Variants in C8orf58 observed in about 807,000 individuals in gnomAD.
C8orf58 encodes chromosome 8 open reading frame 58.
C8orf58 carries 31 observed loss-of-function variants against 36.8 expected under a neutral mutation model. The observed-to-expected ratio is 0.84, with a 90% confidence interval of 0.63 to 1.14. The LOEUF is 1.14. Ranked by LOEUF, C8orf58 falls within the 50% of genes most tolerant of loss-of-function variation. The probability of loss-of-function intolerance (pLI) is 0.00; values close to 1 mark genes in which losing one functional copy is unlikely to be tolerated. For synonymous variants in C8orf58, 230 were observed against 200.2 expected (o/e 1.15, Z -1.26); for missense variants, 538 against 480.8 (o/e 1.12, Z -1.11).
At chr8:22,602,463 C>A (rs1394948403) in intron 5 of C8orf58, 74 bp from the exon 6 acceptor site, 3 of 1,396,856 alleles carry the variant, frequency 2.1e-6, no homozygotes, top group Non-Finnish European at 3.0e-6. Context: ...GCTGTGGCGA[C>A]AGCTGTCTCT....
chr8:22,602,003 CT>C lies in C8orf58; in HGVS notation c.692del (p.Leu231TyrfsTer19), dbSNP rs1800878832. Reference sequence around the variant, plus strand: ...GGCGAGGAGGAGTCGACCCGAGCCCCTTTACCGTCCCCGTTACACACCCCAG... The same window carrying C: ...GGCGAGGAGGAGTCGACCCGAGCCCCTTACCGTCCCCGTTACACACCCCAG... The part of the protein sequence containing the change: ...DPGEEESTRA[P>X]LPSPLHTPGN... On this transcript the variant is annotated frameshift_variant, in exon 4 of 7. Coordinates refer to ENST00000289989, the MANE Select transcript of C8orf58 (RefSeq NM_001013842.3). LOFTEE classifies it high-confidence loss of function. 6.4e-7 allele frequency: 1 copy of C among 1,568,032 alleles called. No individual in the cohort carries two copies. The highest frequency in any genetic ancestry group is 8.7e-7 in the Non-Finnish European group (1 of 1,153,444).
chr8:22,601,915 T>G, intron 3 of C8orf58, 57 bp from the exon 4 acceptor site: 1 of 1,553,818 alleles, frequency 6.4e-7, no homozygotes, highest in Non-Finnish European at 8.7e-7. Context: ...ATGGCTGCCC[T>G]CAGAGCAGCT....
chr8:22,602,712 C>T, intron 6 of C8orf58, 69 bp downstream of exon 6: 1 of 1,039,866 alleles, frequency 9.6e-7, no homozygotes, highest in Non-Finnish European at 1.4e-6. Flanking sequence ...CTGAGATTGT[C>T]ATGCCAGTTG....
chr8:22,601,198 G>A lies in C8orf58; in HGVS notation c.357G>A (p.Glu119=). Residue 119 remains glutamate (E), a synonymous_variant, in exon 2 of 7, where the codon GAG becomes GAA. Coordinates refer to ENST00000289989, the MANE Select transcript of C8orf58 (RefSeq NM_001013842.3). Reference sequence around the variant, plus strand: ...GCCAGAAGCTGGGGGAGGTGTTGGAGCGGTCCCGCCGGCTCCCAACAGCTC... The same window carrying A: ...GCCAGAAGCTGGGGGAGGTGTTGGAACGGTCCCGCCGGCTCCCAACAGCTC... ...LASQKLGEVL[E]RSRRLPTAPT... The A allele has an allele frequency of 6.2e-7, 1 of 1,608,990 alleles. No individual in the cohort carries two copies. Among genetic ancestry groups the A allele is most frequent in the Non-Finnish European group, 8.5e-7 (1 of 1,178,468 alleles).
Position 22,603,338 on chromosome 8 carries a change from G to T in C8orf58, c.*32G>T. 6.8e-7 allele frequency: 1 copy of T among 1,472,740 alleles called. No homozygotes were observed. The highest frequency in any genetic ancestry group is 9.5e-7 in the Non-Finnish European group (1 of 1,051,478). The allele number at this position is 1,472,740 out of a possible 1,614,324, so 91.2% of individuals were successfully genotyped here. A position where few individuals can be genotyped will look rare whatever the true frequency, so the allele number is the denominator to read the frequency against. On this transcript the variant is annotated 3_prime_UTR_variant, in exon 7 of 7. Coordinates refer to ENST00000289989, the MANE Select transcript of C8orf58 (RefSeq NM_001013842.3). Reference sequence around the variant, plus strand: ...TCGGTGCACCTGGTGACCCTGGGTGGAGGGGACTTGCTGTGAAGTCTTCCT... The same window carrying T: ...TCGGTGCACCTGGTGACCCTGGGTGTAGGGGACTTGCTGTGAAGTCTTCCT...
chr8:22,601,263 C>T lies in C8orf58; in HGVS notation c.422C>T (p.Ala141Val), dbSNP rs1024349178. The change falls in exon 2 of 7, where the codon GCA (alanine) becomes GTA (valine). Residue 141 changes from alanine (A) to valine (V), a missense_variant. By Grantham distance (64) the Ala-to-Val change is moderately conservative (BLOSUM62 0). Coordinates refer to ENST00000289989, the MANE Select transcript of C8orf58 (RefSeq NM_001013842.3). ...GGACAACACCGCTCCCTGCGGCTGG[C>T]AAGCAAGCCTGAGCGTGAAGTGCCC... The part of the protein sequence containing the change: ...LSGQHRSLRL[A>V]SKPEREVPLG... 1.2e-6 allele frequency: 2 copies of T among 1,609,758 alleles called. No homozygotes were observed. The highest frequency in any genetic ancestry group is 1.7e-5 in the Admixed American group (1 of 59,808).
chr8:22,603,032 T>C (rs1018602487), intron 6 of C8orf58, 163 bp from the exon 7 acceptor site: 2 of 618,914 alleles, frequency 3.2e-6, no homozygotes, highest in Non-Finnish European at 5.7e-6. Context: ...GGGGCTTGTA[T>C]TGAATCGTTC....
Position 22,601,110 on chromosome 8 carries a change from C to T in C8orf58, c.269C>T (p.Ser90Phe), listed in dbSNP as rs199978994. ...GCCTTACCGGGCCTTTCTCAGGACT[C>T]CCTGGACTTTGAATCCTCAGGGAGT... Reference protein sequence around the residue: ...LAALPGLSQDSLDFESSGSSE... With the variant: ...LAALPGLSQDFLDFESSGSSE... The change falls in exon 2 of 7, where the codon TCC becomes TTC. Residue 90 changes from serine to phenylalanine, a missense_variant. Physicochemically the swap from Ser to Phe is radical, Grantham distance 155. Transcript: ENST00000289989. The T allele has an allele frequency of 2.9e-5, 47 of 1,612,184 alleles. No homozygotes were observed. The highest frequency in any genetic ancestry group is 3.6e-5 in the Non-Finnish European group (43 of 1,179,912).
rs1800845082 is a variant in C8orf58, at chr8:22,601,213, C to A, written c.372C>A (p.Leu124=). 6.2e-7 allele frequency: 1 copy of A among 1,609,478 alleles called. No individual in the cohort carries two copies. Among genetic ancestry groups the A allele is most frequent in the Admixed American group, 1.7e-5 (1 of 59,686 alleles). ...LGEVLERSRR[L]PTAPTSLSGQ... ...AGGTGTTGGAGCGGTCCCGCCGGCTCCCAACAGCTCCCACCAGCTTGTCAG... is the reference window on the plus strand; with the variant it reads ...AGGTGTTGGAGCGGTCCCGCCGGCTACCAACAGCTCCCACCAGCTTGTCAG... Residue 124 remains leucine (L), a synonymous_variant, in exon 2 of 7, where the codon CTC becomes CTA. Transcript: ENST00000289989.
At chr8:22,600,106 T>C (rs984275780) in intron 1 of C8orf58, 7 of 205,150 alleles carry the variant, frequency 3.4e-5, no homozygotes, top group Non-Finnish European at 6.8e-5. Context: ...AGTGACCTCC[T>C]GGCCCACTTC....
Position 22,602,185 on chromosome 8 carries a change from A to T in C8orf58, c.767-15A>T. 1 of 1,583,472 alleles carries T rather than the reference A, an allele frequency of 6.3e-7. No individual in the cohort carries two copies. Among genetic ancestry groups the T allele is most frequent in the South Asian group, 1.2e-5 (1 of 86,674 alleles). On this transcript the variant is annotated splice_polypyrimidine_tract_variant and intron_variant, in intron 4 of 6. Coordinates refer to ENST00000289989, the MANE Select transcript of C8orf58 (RefSeq NM_001013842.3). ...GTGTCTTCTGGCCCTGGCCAACCTG[A>T]CTGTCTTTCTGAAGGAGCAAAGGCT...
rs528814830 is a variant in C8orf58 at position 22,602,200 on chromosome 8, G to A, written c.767G>A (p.Gly256Glu). The A allele has an allele frequency of 9.4e-6, 15 of 1,594,862 alleles. No homozygotes were observed. Among genetic ancestry groups the A allele is most frequent in the African/African-American group, 2.7e-5 (2 of 74,858 alleles). ...GGCCAACCTGACTGTCTTTCTGAAG[G>A]AGCAAAGGCTGCTTCACCCCCAAAG... ...WELLSQTEHT[G>E]AKAASPPKVE... Residue 256 changes from glycine (G) to glutamate (E), a missense_variant and splice_region_variant, in exon 5 of 7, where the codon GGA becomes GAA. By Grantham distance (98) the Gly-to-Glu change is moderately conservative (BLOSUM62 -2). Coordinates refer to ENST00000289989, the MANE Select transcript of C8orf58 (RefSeq NM_001013842.3).
intron 4 of C8orf58, 39 bp downstream of exon 4, chr8:22,602,119 G>T (rs1303848768): frequency 1.3e-6 from 2 of 1,550,624 alleles, no homozygotes; most frequent in Non-Finnish European, 1.7e-6. Flanking sequence ...CTGCCTGCCT[G>T]GGGTCCCACC....
In C8orf58 at chr8:22,603,365, G is replaced by A. The variant is rs756898848; in HGVS notation, c.*59G>A. 9.4e-6 allele frequency: 11 copies of A among 1,167,244 alleles called. No individual in the cohort carries two copies. The highest frequency in any genetic ancestry group is 4.9e-5 in the South Asian group (4 of 81,456). 72.3% of individuals were successfully genotyped at this position (1,167,244 alleles called of 1,614,324 possible). A position where few individuals can be genotyped will look rare whatever the true frequency, so the allele number is the denominator to read the frequency against. On this transcript the variant is annotated 3_prime_UTR_variant, in exon 7 of 7. Coordinates refer to ENST00000289989, the MANE Select transcript of C8orf58 (RefSeq NM_001013842.3). ...GGGGACTTGCTGTGAAGTCTTCCTC[G>A]CCCTCTGCCCTCTTGCTGCTTCTCC...
At chr8:22,602,832 T>TG (rs987445373) in intron 6 of C8orf58, 189 bp downstream of exon 6, 8 of 584,382 alleles carry the variant, frequency 1.4e-5, no homozygotes, top group Non-Finnish European at 1.8e-5. Flanking sequence ...TGGGTGGGGT[T>TG]GGGGGTAGTT....
At chr8:22,602,713 A>G in intron 6 of C8orf58, 70 bp downstream of exon 6, 1 of 1,032,642 alleles carries the variant, frequency 9.7e-7, no homozygotes, top group Non-Finnish European at 1.4e-6. Flanking sequence ...TGAGATTGTC[A>G]TGCCAGTTGT....
chr8:22,601,826 C>A lies in C8orf58; in HGVS notation c.631C>A (p.Gln211Lys). The change falls in exon 3 of 7, where the codon CAG (glutamine) becomes AAG (lysine). Residue 211 changes from glutamine (Q) to lysine (K), a missense_variant. Transcript: ENST00000289989. The stretch of plus-strand genomic sequence containing the variant: ...GGCAAGGCTCCAGCAGCTCTACCTG[C>A]AGCTGCGGATCCAGAGGCCCCCAGG... The part of the protein sequence containing the change: ...QMARLQQLYL[Q>K]LRIQRPPGDP... The A allele has an allele frequency of 6.2e-7, 1 of 1,611,002 alleles. No homozygotes were observed. The highest frequency in any genetic ancestry group is 8.5e-7 in the Non-Finnish European group (1 of 1,179,002).
intron 5 of C8orf58, 52 bp downstream of exon 5, chr8:22,602,364 G>GGGGGGGGGGGGGC: frequency 1.4e-6 from 1 of 720,888 alleles, no homozygotes; most frequent in Non-Finnish European, 2.4e-6. Flanking sequence ...GGGGGGAGGG[G>GGGGGGGGGGGGGC]AGGTGGGGGA....
chr8:22,602,796 C>T (rs911558091), intron 6 of C8orf58, 153 bp downstream of exon 6: 37 of 602,776 alleles, frequency 6.1e-5, no homozygotes, highest in Non-Finnish European at 1.0e-4. Context: ...TAAAACACCC[C>T]ATTTACAGAT....
Sources: allele counts gnomAD v4.1 joint callset, GRCh38; gene constraint gnomAD v4.1.1; transcripts MANE v1.5; gene names NCBI Gene and HGNC (gene_info 2026-07-23, HGNC 2026-07-21).